RAB43: variants seen among roughly 807,000 people sequenced by gnomAD.
RAB43 encodes the protein ras-related protein Rab-43.
A neutral mutation model predicts 18.8 loss-of-function variants in RAB43; 6 were observed. That is an observed-to-expected ratio of 0.32 (90% CI 0.17 to 0.63). The LOEUF (loss-of-function observed/expected upper bound fraction) is 0.63, where lower values mean the gene tolerates loss of function less well. Ranked by LOEUF, RAB43 falls within the 30% of genes least tolerant of loss-of-function variation. The pLI, the probability that RAB43 is intolerant of heterozygous loss-of-function variation, is 0.79. For missense variants in RAB43, 195 were observed against 289.1 expected (o/e 0.67, Z 2.36); for synonymous variants, 103 against 124.1 (o/e 0.83, Z 1.13).
intron 1 of RAB43, among the ~76,000 whole-genome samples, chr3:129,108,902 T>C (rs1413164971): frequency 1.3e-5 from 2 of 152,118 alleles, no homozygotes; most frequent in Non-Finnish European, 2.9e-5. Flanking sequence ...TGCTGCAGGA[T>C]GAAGCCCACA....
intron 2 of RAB43, chr3:129,092,577 A>G (rs1933734006): frequency 1.5e-6 from 1 of 685,520 alleles, no homozygotes; most frequent in East Asian, 2.7e-5. Context: ...CCTGGGCAAC[A>G]TAGCAGGACT....
intron 1 of RAB43, among the ~76,000 whole-genome samples, chr3:129,103,604 A>G (rs1934569464): frequency 6.7e-6 from 1 of 148,890 alleles, no homozygotes; most frequent in African/African-American, 2.5e-5. Flanking sequence ...TCACTCTGTC[A>G]CTCAGGCTGG....
At position 129,121,437 on chromosome 3, in the gene RAB43, A is replaced by G; in HGVS notation, c.53T>C (p.Leu18Pro). The change falls in exon 1 of 3, where the codon CTG (leucine) becomes CCG (proline). Residue 18 changes from leucine to proline, a missense_variant. Transcript: ENST00000315150. ...PGDPDEQYDFLFKLVLVGDAS... is the reference protein window; with the variant it reads ...PGDPDEQYDFPFKLVLVGDAS... ...GTCGCCCACCAGCACCAGCTTGAACAGGAAATCGTACTGCTCGTCCGGGTC... is the reference window on the plus strand; with the variant it reads ...GTCGCCCACCAGCACCAGCTTGAACGGGAAATCGTACTGCTCGTCCGGGTC... 1 of 1,613,216 alleles carries G rather than the reference A, an allele frequency of 6.2e-7. No homozygotes were observed. The highest frequency in any genetic ancestry group is 1.7e-4 in the Middle Eastern group (1 of 6,054).
At chr3:129,113,792 G>T (rs1231610587) in intron 1 of RAB43, among the ~76,000 whole-genome samples, 1 of 152,162 alleles carries the variant, frequency 6.6e-6, no homozygotes, top group Non-Finnish European at 1.5e-5. Flanking sequence ...ACTTTGGGAG[G>T]CTGAGGCAGG....
intron 1 of RAB43, among the ~76,000 whole-genome samples, chr3:129,109,935 G>A (rs1935047307): frequency 1.3e-5 from 2 of 151,526 alleles, no homozygotes; most frequent in East Asian, 2.0e-4. Flanking sequence ...TGCGATCCTG[G>A]CTCACTGCAG....
At chr3:129,116,649 G>A (rs1241893266) in intron 1 of RAB43, among the ~76,000 whole-genome samples, 1 of 152,180 alleles carries the variant, frequency 6.6e-6, no homozygotes, top group Non-Finnish European at 1.5e-5. Context: ...GAGAGTCAAG[G>A]CCAAAGGTCC....
At chr3:129,109,657 G>A (rs1462881112) in intron 1 of RAB43, among the ~76,000 whole-genome samples, 2 of 151,096 alleles carry the variant, frequency 1.3e-5, no homozygotes, top group Admixed American at 6.6e-5. Flanking sequence ...AAGGAAAAGT[G>A]CTTGAACCTG....
intron 2 of RAB43, among the ~76,000 whole-genome samples, chr3:129,094,600 C>T (rs895672854): frequency 8.9e-5 from 13 of 145,600 alleles, no homozygotes; most frequent in African/African-American, 2.5e-4. Flanking sequence ...CTGCAAGCTC[C>T]GCCTCCCAGG....
At chr3:129,097,202 A>G (rs1188915236) in intron 1 of RAB43, among the ~76,000 whole-genome samples, 3 of 152,168 alleles carry the variant, frequency 2.0e-5, no homozygotes, top group Non-Finnish European at 4.4e-5. Flanking sequence ...GAACAATACA[A>G]TCAAGGAGAG....
intron 2 of RAB43, among the ~76,000 whole-genome samples, chr3:129,094,169 T>C (rs1466609000): frequency 2.6e-5 from 4 of 152,340 alleles, no homozygotes; most frequent in Non-Finnish European, 4.4e-5. Context: ...CTGGATCAGA[T>C]GCTCTGGAGG....
At chr3:129,109,742 AAAT>A (rs530716127) in intron 1 of RAB43, among the ~76,000 whole-genome samples, 9 of 150,638 alleles carry the variant, frequency 6.0e-5, no homozygotes, top group South Asian at 2.1e-4. Context: ...ACTCCATCTA[AAAT>A]AATAATAATA....
At chr3:129,110,844 G>A (rs1935122281) in intron 1 of RAB43, among the ~76,000 whole-genome samples, 2 of 150,986 alleles carry the variant, frequency 1.3e-5, no homozygotes, top group Admixed American at 1.3e-4. Flanking sequence ...ACTGAATCAC[G>A]CACTTTAAGT....
intron 2 of RAB43, among the ~76,000 whole-genome samples, chr3:129,094,026 T>C (rs1321923409): frequency 2.0e-5 from 3 of 152,196 alleles, no homozygotes; most frequent in Non-Finnish European, 2.9e-5. Flanking sequence ...GGGAAGGTTA[T>C]ATAGAAGGAA....
At chr3:129,099,184 C>G (rs1379377312) in intron 1 of RAB43, among the ~76,000 whole-genome samples, 1 of 147,252 alleles carries the variant, frequency 6.8e-6, no homozygotes, top group Non-Finnish European at 1.5e-5. Context: ...CTCCGCCTCC[C>G]GGGTTCATGC....
At position 129,107,460 on chromosome 3, in the gene RAB43, C is replaced by G. The variant is rs1576835350; in HGVS notation, c.205-12291G>C. 6.6e-6 allele frequency among the ~76,000 whole-genome samples: 1 copy of G among 152,120 alleles called. No homozygotes were observed. Among genetic ancestry groups the G allele is most frequent in the African/African-American group, 2.4e-5 (1 of 41,414 alleles). ...GGAAGCTAAGGGCATCCACGACCAGCCTGCTGCCACCCAAACACCTTGCTT... is the reference window on the plus strand; with the variant it reads ...GGAAGCTAAGGGCATCCACGACCAGGCTGCTGCCACCCAAACACCTTGCTT... On this transcript the variant is annotated intron_variant, in intron 1 of 2. Coordinates refer to ENST00000315150, the MANE Select transcript of RAB43 (RefSeq NM_198490.3). The surrounding 1 kb of genome is among the most constrained non-coding windows in gnomAD (Gnocchi z 4.2).
intron 1 of RAB43, among the ~76,000 whole-genome samples, chr3:129,116,725 T>TC (rs1455583508): frequency 6.6e-6 from 1 of 152,134 alleles, no homozygotes; most frequent in Non-Finnish European, 1.5e-5. Context: ...TCTGGCAGCA[T>TC]CCCTAGCGAG....
chr3:129,115,552 G>A (rs951720568), intron 1 of RAB43, among the ~76,000 whole-genome samples: 1 of 152,108 alleles, frequency 6.6e-6, no homozygotes, highest in Non-Finnish European at 1.5e-5. Flanking sequence ...AGGCGCGGTG[G>A]CTCACACCTG....
rs531357557 is a variant in RAB43 at position 129,098,561 on chromosome 3, C to T, written c.205-3392G>A. 3.3e-5 allele frequency among the ~76,000 whole-genome samples: 5 copies of T among 152,142 alleles called. No individual in the cohort carries two copies. The South Asian group carries it at 1.0e-3, about 32-fold the overall frequency. On this transcript the variant is annotated intron_variant, in intron 1 of 2. Transcript: ENST00000315150. ...TATGAACCACAGATAAGGGAAAAAG[C>T]AATCTATTGACACTGATGCCAAAAT...
chr3:129,108,259 A>G (rs887540704), intron 1 of RAB43, among the ~76,000 whole-genome samples: 1 of 152,112 alleles, frequency 6.6e-6, no homozygotes, highest in Non-Finnish European at 1.5e-5. Context: ...ACACCTCCCT[A>G]GGACAGCCAC....
Sources: allele counts gnomAD v4.1 joint callset (sites outside exome capture counted in the v4.1 genomes callset), GRCh38; gene constraint gnomAD v4.1.1; non-coding constraint Gnocchi (gnomAD v3.1); transcripts MANE v1.5; gene names NCBI Gene and HGNC (gene_info 2026-07-23, HGNC 2026-07-21).